Variants in GPSM1 observed in about 807,000 individuals in gnomAD.
GPSM1 encodes G protein-signaling modulator 1.
In GPSM1, 48 loss-of-function variants were observed where a neutral mutation model predicts 70.5. The ratio of observed to expected loss-of-function variants is 0.68; its 90% CI spans 0.54 to 0.87. The LOEUF (loss-of-function observed/expected upper bound fraction) is 0.87, where lower values mean the gene tolerates loss of function less well. Among genes scored for constraint, GPSM1 ranks in the 40% least tolerant of loss-of-function variants. The pLI, the probability that GPSM1 is intolerant of heterozygous loss-of-function variation, is 0.00. For synonymous variants in GPSM1, 416 were observed against 430.1 expected (o/e 0.97, Z 0.41); for missense variants, 981 against 972.6 (o/e 1.01, Z -0.11).
At chr9:136,336,472 G>A (rs905899460) in intron 3 of GPSM1, among the ~76,000 whole-genome samples, 5 of 152,226 alleles carry the variant, frequency 3.3e-5, no homozygotes, top group Non-Finnish European at 5.9e-5. Flanking sequence ...GGTGACAGCA[G>A]GAAGAGTGGC....
intron 11 of GPSM1, chr9:136,353,243 G>A (rs1165492364): frequency 2.3e-5 from 7 of 298,122 alleles, no homozygotes; most frequent in Non-Finnish European, 3.5e-5. Context: ...GTCTTGGGCC[G>A]GGTGCATTCC....
chr9:136,335,900 C>A, intron 2 of GPSM1, 66 bp from the exon 3 acceptor site: 3 of 1,535,400 alleles, frequency 2.0e-6, no homozygotes, highest in South Asian at 1.2e-5. Flanking sequence ...CCATGCTCAG[C>A]CTCCCCCCGG....
rs1832412745 is a variant in GPSM1 at position 136,342,372 on chromosome 9, C to T, written c.1207+1379C>T. ...CCTCCCGACGTTTTCTTTCTTGGAGCCAAGGAAAAGGGGGGCCGGAGTGGG... is the reference window on the plus strand; with the variant it reads ...CCTCCCGACGTTTTCTTTCTTGGAGTCAAGGAAAAGGGGGGCCGGAGTGGG... On this transcript the variant is annotated intron_variant, in intron 9 of 13. Coordinates refer to ENST00000440944, the MANE Select transcript of GPSM1 (RefSeq NM_001145638.3). This position sits in a 1 kb window ranked among gnomAD's most constrained non-coding sequence, Gnocchi z 5.5. Among the ~76,000 whole-genome samples the T allele has an allele frequency of 6.6e-6, 1 of 152,198 alleles. No individual in the cohort carries two copies. Among genetic ancestry groups the T allele is most frequent in the Non-Finnish European group, 1.5e-5 (1 of 68,022 alleles).
At chr9:136,334,387 G>T (rs897188384) in intron 1 of GPSM1, 60 bp from the exon 2 acceptor site, 16 of 1,312,500 alleles carry the variant, frequency 1.2e-5, no homozygotes, top group Middle Eastern at 2.4e-4. Context: ...CCACGGAGGT[G>T]CTCCGGCCCC....
intron 1 of GPSM1, among the ~76,000 whole-genome samples, chr9:136,329,429 C>A (rs1054818742): frequency 2.6e-5 from 4 of 152,218 alleles, no homozygotes; most frequent in African/African-American, 7.2e-5. Flanking sequence ...ACGGGAGGGC[C>A]CTTTGCTGTC....
intron 12 of GPSM1, 149 bp downstream of exon 12, chr9:136,355,995 C>G: frequency 1.5e-6 from 1 of 656,924 alleles, no homozygotes; most frequent in Non-Finnish European, 2.6e-6. Flanking sequence ...CCCTCCGCAG[C>G]CCCCACAGAG....
chr9:136,349,582 C>T lies in GPSM1; in HGVS notation c.1279-5C>T. Reference sequence around the variant, plus strand: ...CAGGCCACGCACAGCCTTACCCCTCCCCAGGAGCAGAATGGAGACAGCCAC... The same window carrying T: ...CAGGCCACGCACAGCCTTACCCCTCTCCAGGAGCAGAATGGAGACAGCCAC... On this transcript the variant is annotated splice_region_variant and splice_polypyrimidine_tract_variant and intron_variant, in intron 10 of 13. Coordinates refer to ENST00000440944, the MANE Select transcript of GPSM1 (RefSeq NM_001145638.3). The T allele has an allele frequency of 6.5e-7, 1 of 1,549,758 alleles. No homozygotes were observed.
At chr9:136,346,704 C>T (rs1164682135) in intron 9 of GPSM1, among the ~76,000 whole-genome samples, 3 of 152,200 alleles carry the variant, frequency 2.0e-5, no homozygotes, top group African/African-American at 4.8e-5. Flanking sequence ...CCCTGACACT[C>T]GGGCCCATTT....
At chr9:136,348,618 C>A in intron 9 of GPSM1, 79 bp from the exon 10 acceptor site, 2 of 1,093,914 alleles carry the variant, frequency 1.8e-6, no homozygotes, top group South Asian at 1.5e-5. Flanking sequence ...GGTCCTTGGC[C>A]CCCCAGAGAC....
At chr9:136,329,300 G>A (rs781857341) in intron 1 of GPSM1, among the ~76,000 whole-genome samples, 8 of 152,182 alleles carry the variant, frequency 5.3e-5, no homozygotes, top group Non-Finnish European at 8.8e-5. Flanking sequence ...AGGTCCCCCC[G>A]GGAGTCTGCA....
chr9:136,339,676 C>T (rs782243001), intron 7 of GPSM1, 31 bp from the exon 8 acceptor site: 86 of 1,415,008 alleles, frequency 6.1e-5, no homozygotes, highest in African/African-American at 9.9e-5. Context: ...CTGGAGAGGG[C>T]GGGTATGAAT....
At chr9:136,328,922 C>G (rs113518691) in intron 1 of GPSM1, among the ~76,000 whole-genome samples, 1 of 152,126 alleles carries the variant, frequency 6.6e-6, no homozygotes, top group Non-Finnish European at 1.5e-5. Flanking sequence ...CCAGGGCGGC[C>G]GTGCTGTGAG....
intron 7 of GPSM1, 36 bp downstream of exon 7, chr9:136,338,746 C>T (rs1426064527): frequency 6.6e-6 from 10 of 1,518,184 alleles, no homozygotes; most frequent in African/African-American, 1.4e-5. Flanking sequence ...AGACCCGGCC[C>T]GGCCCACAGG....
At chr9:136,336,144 C>T (rs1335910355) in intron 3 of GPSM1, 43 bp downstream of exon 3, 11 of 1,592,654 alleles carry the variant, frequency 6.9e-6, no homozygotes, top group African/African-American at 2.7e-5. Flanking sequence ...ACCCCTGCAC[C>T]GGCCTGCGTC....
intron 1 of GPSM1, chr9:136,332,114 C>T (rs923829739): frequency 3.5e-5 from 14 of 399,434 alleles, no homozygotes; most frequent in African/African-American, 8.2e-5. Flanking sequence ...TGCTGCTGCC[C>T]GTGGGCCTGG....
At chr9:136,331,367 C>CCA (rs1172296478) in intron 1 of GPSM1, among the ~76,000 whole-genome samples, 1 of 149,758 alleles carries the variant, frequency 6.7e-6, no homozygotes, top group African/African-American at 2.5e-5. Flanking sequence ...ACTCTGAGCC[C>CCA]CCCCCCCCCG....
At chr9:136,330,104 G>A (rs887502962) in intron 1 of GPSM1, among the ~76,000 whole-genome samples, 5 of 152,130 alleles carry the variant, frequency 3.3e-5, no homozygotes, top group East Asian at 1.9e-4. Flanking sequence ...GAGGCCTGGC[G>A]GGGACAGGCC....
At chr9:136,348,860 G>A (rs1832589282) in intron 10 of GPSM1, 93 bp downstream of exon 10, 2 of 915,612 alleles carry the variant, frequency 2.2e-6, no homozygotes, top group Non-Finnish European at 3.4e-6. Context: ...ACCCACCTCA[G>A]CCCCTGTCTG....
In GPSM1 at chr9:136,342,019, T is replaced by G. The variant is rs1279015789; in HGVS notation, c.1207+1026T>G. 2.0e-5 allele frequency among the ~76,000 whole-genome samples: 3 copies of G among 151,396 alleles called. No homozygotes were observed. Among genetic ancestry groups the G allele is most frequent in the Non-Finnish European group, 4.4e-5 (3 of 67,882 alleles). Reference sequence around the variant, plus strand: ...ATGACCTCTCCTGGGAAATTGGGGGTGCATGTCAGCCACCGCAGAGGCTGA... The same window carrying G: ...ATGACCTCTCCTGGGAAATTGGGGGGGCATGTCAGCCACCGCAGAGGCTGA... On this transcript the variant is annotated intron_variant, in intron 9 of 13. Coordinates refer to ENST00000440944, the MANE Select transcript of GPSM1 (RefSeq NM_001145638.3). The surrounding 1 kb of genome is among the most constrained non-coding windows in gnomAD (Gnocchi z 5.5).
Sources: gnomAD v4.1 joint callset for allele counts (sites outside exome capture counted in the v4.1 genomes callset) on GRCh38, gnomAD v4.1.1 for gene constraint, Gnocchi (gnomAD v3.1) non-coding constraint, MANE v1.5 for transcripts, NCBI Gene and HGNC (gene_info 2026-07-23, HGNC 2026-07-21) for gene names.